The following MAT1A variants were observed in gnomAD, a reference collection of about 807,000 sequenced individuals.
MAT1A encodes the protein S-adenosylmethionine synthase isoform type-1.
Under a neutral mutation model 44.0 loss-of-function variants are expected in MAT1A, and 19 were observed. That is an observed-to-expected ratio of 0.43 (90% CI 0.30 to 0.63). The LOEUF is 0.63. Ranked by LOEUF, MAT1A falls within the 30% of genes least tolerant of loss-of-function variation. MAT1A has a pLI of 0.12. For missense variants in MAT1A, 397 were observed against 531.0 expected (o/e 0.75, Z 2.48); for synonymous variants, 205 against 205.6 (o/e 1.00, Z 0.03).
At chr10:80,275,814 C>G (rs1363642412) in intron 6 of MAT1A, among the ~76,000 whole-genome samples, 1 of 152,232 alleles carries the variant, frequency 6.6e-6, no homozygotes, top group Admixed American at 6.5e-5. Flanking sequence ...CGGGATGGAG[C>G]TCAACTCTGG....
rs775451234 is a variant in MAT1A at position 80,275,151 on chromosome 10, C to T, written c.817G>A (p.Gly273Ser). ...GRKIIVDTYGGWGAHGGGAFS... is the reference protein window; with the variant it reads ...GRKIIVDTYGSWGAHGGGAFS... ...GCCCCACCACCATGAGCCCCCCAGC[C>T]GCCATAGGTGTCCACAATAATCTTA... is the stretch of plus-strand genomic sequence containing the variant. The change falls in exon 7 of 9, where the codon GGC becomes AGC. Residue 273 changes from glycine to serine, a missense_variant. Coordinates refer to ENST00000372213, the MANE Select transcript of MAT1A (RefSeq NM_000429.3). 1.1e-5 allele frequency: 18 copies of T among 1,613,468 alleles called. No individual in the cohort carries two copies. Among genetic ancestry groups the T allele is most frequent in the South Asian group, 8.8e-5 (8 of 90,920 alleles).
chr10:80,273,660 G>C lies in MAT1A; in HGVS notation c.*121C>G, dbSNP rs886047318. The C allele has an allele frequency of 1.3e-6, 1 of 790,582 alleles. No homozygotes were observed. Among genetic ancestry groups the C allele is most frequent in the Non-Finnish European group, 2.3e-6 (1 of 434,202 alleles). The allele number at this position is 790,582 out of a possible 1,614,324, so 49.0% of individuals were successfully genotyped here. A position where few individuals can be genotyped will look rare whatever the true frequency, so the allele number is the denominator to read the frequency against. The stretch of plus-strand genomic sequence containing the variant: ...ATGACAGGACAGGCTAAATGAGAGG[G>C]ACCTGGCTTTGCCCTGAGGGTTGGT... On this transcript the variant is annotated 3_prime_UTR_variant, in exon 9 of 9. Coordinates refer to ENST00000372213, the MANE Select transcript of MAT1A (RefSeq NM_000429.3).
intron 5 of MAT1A, among the ~76,000 whole-genome samples, chr10:80,277,502 C>T (rs191751564): frequency 2.0e-5 from 3 of 152,274 alleles, no homozygotes; most frequent in Admixed American, 2.0e-4. Flanking sequence ...ATGAGATGGC[C>T]CGATGCACAC....
At chr10:80,282,818 C>T (rs577726665) in intron 3 of MAT1A, among the ~76,000 whole-genome samples, 26 of 152,142 alleles carry the variant, frequency 1.7e-4, no homozygotes, top group African/African-American at 4.3e-4. Flanking sequence ...CACTTACAAA[C>T]GGGGGTCCAG....
intron 8 of MAT1A, 57 bp downstream of exon 8, chr10:80,274,463 A>G: frequency 6.2e-7 from 1 of 1,611,228 alleles, no homozygotes. Flanking sequence ...AGGTGAGGTG[A>G]GCATCTGGGC....
chr10:80,280,511 A>G (rs1250722657), intron 4 of MAT1A, among the ~76,000 whole-genome samples, 169 bp downstream of exon 4: 1 of 152,152 alleles, frequency 6.6e-6, no homozygotes, highest in Non-Finnish European at 1.5e-5. Flanking sequence ...GCCCAAACCC[A>G]GTGTCAGCAA....
At chr10:80,278,856 G>A (rs1463506897) in intron 5 of MAT1A, among the ~76,000 whole-genome samples, 1 of 152,258 alleles carries the variant, frequency 6.6e-6, no homozygotes, top group Non-Finnish European at 1.5e-5. Context: ...CGCTGGCGCT[G>A]TCTGCTAGTG....
At chr10:80,276,700 C>A in intron 5 of MAT1A, 106 bp from the exon 6 acceptor site, 1 of 1,005,380 alleles carries the variant, frequency 9.9e-7, no homozygotes, top group Non-Finnish European at 1.6e-6. Flanking sequence ...TCCCAGGAGC[C>A]AAGTGGGGCC....
chr10:80,288,759 T>C (rs545106445), intron 1 of MAT1A, among the ~76,000 whole-genome samples: 21 of 152,166 alleles, frequency 1.4e-4, no homozygotes, highest in Middle Eastern at 3.4e-3. Flanking sequence ...AAATTGGCCA[T>C]GGATAATAGA....
chr10:80,276,230 G>T (rs1165565165), intron 6 of MAT1A, 146 bp downstream of exon 6: 3 of 807,732 alleles, frequency 3.7e-6, no homozygotes, highest in East Asian at 5.3e-5. Flanking sequence ...ATGTACAGAG[G>T]CCAAAATTCA....
intron 1 of MAT1A, among the ~76,000 whole-genome samples, chr10:80,286,316 C>T (rs139877288): frequency 1.6e-3 from 239 of 152,234 alleles, no homozygotes; most frequent in African/African-American, 4.8e-3. Context: ...TAAAATCAGA[C>T]GGCTCAAACA....
chr10:80,282,637 C>T (rs997796010), intron 3 of MAT1A, among the ~76,000 whole-genome samples: 1 of 152,110 alleles, frequency 6.6e-6, no homozygotes, highest in Non-Finnish European at 1.5e-5. Context: ...ACCCTCATGT[C>T]CCGACCAGGA....
chr10:80,282,254 G>A (rs531409517), intron 3 of MAT1A, among the ~76,000 whole-genome samples: 1 of 152,312 alleles, frequency 6.6e-6, no homozygotes, highest in Admixed American at 6.5e-5. Flanking sequence ...GGGACCAAGA[G>A]GGGAGGTACA....
chr10:80,280,843 GC>G, intron 3 of MAT1A, 51 bp from the exon 4 acceptor site: 1 of 1,325,750 alleles, frequency 7.5e-7, no homozygotes, highest in Non-Finnish European at 1.1e-6. Flanking sequence ...GAAGGAGGGG[GC>G]CACAAACTTC....
Position 80,283,987 on chromosome 10 carries a change from A to G in MAT1A, c.221T>C (p.Met74Thr). ...CACCCGCTGGTAGTCCACCATGGCC[A>G]TTGAGGTGATCTCACCACACAGCAG... is the stretch of plus-strand genomic sequence containing the variant. ...MVLLCGEITS[M>T]AMVDYQRVVR... Residue 74 changes from methionine (M) to threonine (T), a missense_variant, in exon 3 of 9, where the codon ATG becomes ACG. Coordinates refer to ENST00000372213, the MANE Select transcript of MAT1A (RefSeq NM_000429.3). 1.2e-6 allele frequency: 2 copies of G among 1,614,188 alleles called. No individual in the cohort carries two copies. The highest frequency in any genetic ancestry group is 1.7e-6 in the Non-Finnish European group (2 of 1,180,028).
rs778408327 is a variant in MAT1A at position 80,276,390 on chromosome 10, T to A, written c.754A>T (p.Ile252Phe). 2 of 1,614,116 alleles carry A rather than the reference T, an allele frequency of 1.2e-6. No individual in the cohort carries two copies. The highest frequency in any genetic ancestry group is 2.2e-5 in the East Asian group (1 of 44,884). Residue 252 changes from isoleucine (I) to phenylalanine (F), a missense_variant, in exon 6 of 9, where the codon ATC becomes TTC. Transcript: ENST00000372213. Reference sequence around the variant, plus strand: ...CAAGAATGCACCTGGGGACCTCCGATGACAAACCGCCCACTGGGCTGCAGG... The same window carrying A: ...CAAGAATGCACCTGGGGACCTCCGAAGACAAACCGCCCACTGGGCTGCAGG... ...YHLQPSGRFV[I>F]GGPQGDAGVT...
In MAT1A at chr10:80,289,639, C is replaced by G. The variant is rs1393654808; in HGVS notation, c.-216G>C. On this transcript the variant is annotated 5_prime_UTR_variant, in exon 1 of 9. Transcript: ENST00000372213. ...GGAGTGGATGGAACACGGGATGTGT[C>G]CCTCCCTCCAGCTTGCCACAGCTTG... 1.4e-5 allele frequency: 8 copies of G among 591,980 alleles called. No homozygotes were observed. Among genetic ancestry groups the G allele is most frequent in the East Asian group, 9.0e-5 (3 of 33,278 alleles). The allele number at this position is 591,980 out of a possible 1,614,324, so 36.7% of individuals were successfully genotyped here.
At chr10:80,288,274 G>T (rs139255751) in intron 1 of MAT1A, among the ~76,000 whole-genome samples, 228 of 152,314 alleles carry the variant, frequency 1.5e-3, no homozygotes, top group African/African-American at 4.7e-3. Context: ...GTCTCCAAGA[G>T]CAGTGGTTCT....
Position 80,273,907 on chromosome 10 carries a change from G to A in MAT1A, c.1086-24C>T, listed in dbSNP as rs772020872. The A allele has an allele frequency of 2.4e-5, 36 of 1,506,500 alleles. 1 individual carries two copies. Among genetic ancestry groups the A allele is most frequent in the Admixed American group, 6.7e-5 (4 of 59,892 alleles). The allele number at this position is 1,506,500 out of a possible 1,614,324, so 93.3% of individuals were successfully genotyped here. A position where few individuals can be genotyped will look rare whatever the true frequency, so the allele number is the denominator to read the frequency against. The stretch of plus-strand genomic sequence containing the variant: ...CCCTGCATGTCCAGCAGAAAGGAAG[G>A]GCATTGGAAGATGGAACAGGAGCAG... On this transcript the variant is annotated intron_variant, in intron 8 of 8. Coordinates refer to ENST00000372213, the MANE Select transcript of MAT1A (RefSeq NM_000429.3).
Sources: allele counts gnomAD v4.1 joint callset (sites outside exome capture counted in the v4.1 genomes callset), GRCh38; gene constraint gnomAD v4.1.1; transcripts MANE v1.5; gene names NCBI Gene and HGNC (gene_info 2026-07-23, HGNC 2026-07-21).